SNTG1: variants seen among roughly 807,000 people sequenced by gnomAD.
SNTG1 encodes gamma-1-syntrophin.
SNTG1 carries 39 observed loss-of-function variants against 74.7 expected under a neutral mutation model. That is an observed-to-expected ratio of 0.52 (90% confidence interval 0.40 to 0.68). The LOEUF (loss-of-function observed/expected upper bound fraction) is 0.68, where lower values mean the gene tolerates loss of function less well. Among genes scored for constraint, SNTG1 ranks in the 30% least tolerant of loss-of-function variants. The probability of loss-of-function intolerance (pLI) is 0.00; values close to 1 mark genes in which losing one functional copy is unlikely to be tolerated. For missense variants in SNTG1, 685 were observed against 609.5 expected, an observed-to-expected ratio of 1.12 and a Z score of -1.30; for synonymous variants, 254 against 217.1, an observed-to-expected ratio of 1.17 and a Z score of -1.49.
intron 2 of SNTG1, among the ~76,000 whole-genome samples, chr8:50,252,510 G>C (rs889866046): frequency 2.6e-5 from 4 of 152,122 alleles, no homozygotes; most frequent in Non-Finnish European, 5.9e-5. Context: ...TAAAATCAGA[G>C]ATAAAATTGA....
chr8:50,618,175 A>G (rs1172206741), intron 13 of SNTG1, among the ~76,000 whole-genome samples: 4 of 152,238 alleles, frequency 2.6e-5, no homozygotes, highest in Non-Finnish European at 5.9e-5. Flanking sequence ...TAACTGGAAT[A>G]TAGTCAAAAG....
chr8:50,239,025 G>A (rs1263347060), intron 2 of SNTG1, among the ~76,000 whole-genome samples: 1 of 152,100 alleles, frequency 6.6e-6, no homozygotes, highest in Admixed American at 6.5e-5. Context: ...AAAGGGGAAC[G>A]CTATACACAG....
At chr8:50,135,314 T>G (rs537521721) in intron 1 of SNTG1, among the ~76,000 whole-genome samples, 3 of 152,326 alleles carry the variant, frequency 2.0e-5, no homozygotes, top group Non-Finnish European at 2.9e-5. Flanking sequence ...CATTCCATCA[T>G]GTGGTAATAA....
intron 8 of SNTG1, among the ~76,000 whole-genome samples, 156 bp from the exon 9 acceptor site, chr8:50,502,622 A>G (rs1173890188): frequency 6.6e-6 from 1 of 152,220 alleles, no homozygotes; most frequent in East Asian, 1.9e-4. Context: ...TCTTACTGCA[A>G]TGATAAATAA....
chr8:50,407,109 A>G (rs1205108149), intron 4 of SNTG1, among the ~76,000 whole-genome samples: 2 of 152,236 alleles, frequency 1.3e-5, no homozygotes, highest in Non-Finnish European at 2.9e-5. Flanking sequence ...GCCACAATAC[A>G]TAGTCCATGT....
chr8:50,595,863 G>T (rs1430509550), intron 13 of SNTG1, among the ~76,000 whole-genome samples: 2 of 151,646 alleles, frequency 1.3e-5, no homozygotes, highest in African/African-American at 4.8e-5. Flanking sequence ...TTTGTGTATT[G>T]TGTATTATCC....
chr8:50,377,257 A>G (rs1333274026), intron 2 of SNTG1, among the ~76,000 whole-genome samples: 3 of 152,188 alleles, frequency 2.0e-5, no homozygotes, highest in Non-Finnish European at 4.4e-5. Flanking sequence ...GGAAGAAAAA[A>G]AATGGAATGT....
intron 1 of SNTG1, among the ~76,000 whole-genome samples, chr8:50,139,987 G>C (rs111244348): frequency 1.3e-5 from 2 of 152,318 alleles, no homozygotes; most frequent in African/African-American, 4.8e-5. Context: ...AGCGAGCTTT[G>C]TGTTTCTGTT....
intron 12 of SNTG1, among the ~76,000 whole-genome samples, chr8:50,561,288 C>A (rs1317572161): frequency 6.6e-6 from 1 of 152,146 alleles, no homozygotes; most frequent in Admixed American, 6.6e-5. Flanking sequence ...GAGGCCTCCC[C>A]AGCCATGAGG....
chr8:50,092,051 T>C (rs1374658666), intron 1 of SNTG1, among the ~76,000 whole-genome samples: 1 of 152,148 alleles, frequency 6.6e-6, no homozygotes, highest in Non-Finnish European at 1.5e-5. Flanking sequence ...AAGGAAAATA[T>C]AATGCCTTTA....
chr8:50,538,617 C>CT (rs1231783127), intron 11 of SNTG1, among the ~76,000 whole-genome samples: 1 of 151,412 alleles, frequency 6.6e-6, no homozygotes, highest in South Asian at 2.1e-4. Context: ...CTTTTCTTTT[C>CT]TTTTTTAGTT....
intron 1 of SNTG1, among the ~76,000 whole-genome samples, chr8:50,169,624 C>T (rs1376364543): frequency 1.3e-5 from 2 of 152,162 alleles, no homozygotes; most frequent in Non-Finnish European, 2.9e-5. Flanking sequence ...TATTCTAGTT[C>T]CTTGTTAAGT....
At chr8:50,159,508 T>A (rs2082350800) in intron 1 of SNTG1, among the ~76,000 whole-genome samples, 1 of 152,224 alleles carries the variant, frequency 6.6e-6, no homozygotes, top group South Asian at 2.1e-4. Flanking sequence ...AATTATTAAT[T>A]TGTGTTTTTC....
intron 2 of SNTG1, among the ~76,000 whole-genome samples, chr8:50,334,847 A>G (rs2091089257): frequency 6.6e-6 from 1 of 152,180 alleles, no homozygotes; most frequent in Admixed American, 6.5e-5. Flanking sequence ...CTAACCTCTA[A>G]ATCTTCGAGG....
chr8:50,408,000 T>C lies in SNTG1; in HGVS notation c.162+5656T>C, dbSNP rs149081183. Among the ~76,000 whole-genome samples the C allele has an allele frequency of 7.9e-5, 12 of 152,246 alleles. No individual in the cohort carries two copies. The East Asian group carries it at 1.2e-3, about 15-fold the overall frequency. On this transcript the variant is annotated intron_variant, in intron 4 of 18. Coordinates refer to ENST00000642720, the MANE Select transcript of SNTG1 (RefSeq NM_018967.5). ...CAAAGACCAGGCTGAGGTTTCACAA[T>C]AGCAGTGTTACCTAGAGGGGCAACT...
At chr8:50,184,226 T>C (rs569721885) in intron 2 of SNTG1, among the ~76,000 whole-genome samples, 23 of 152,202 alleles carry the variant, frequency 1.5e-4, no homozygotes, top group African/African-American at 5.3e-4. Context: ...ACTTCAGTGG[T>C]GTGATCTCGG....
chr8:50,378,954 C>T (rs1230999815), intron 2 of SNTG1, among the ~76,000 whole-genome samples: 1 of 152,124 alleles, frequency 6.6e-6, no homozygotes, highest in African/African-American at 2.4e-5. Flanking sequence ...TGTCCCCCAG[C>T]CTTCAGGCCC....
intron 1 of SNTG1, among the ~76,000 whole-genome samples, chr8:49,953,347 G>A (rs901881257): frequency 6.6e-6 from 1 of 152,142 alleles, no homozygotes; most frequent in Non-Finnish European, 1.5e-5. Context: ...CCCTTGGGGG[G>A]AAACAGAGGA....
At chr8:50,527,107 C>A (rs2094227197) in intron 9 of SNTG1, among the ~76,000 whole-genome samples, 1 of 152,086 alleles carries the variant, frequency 6.6e-6, no homozygotes, top group Non-Finnish European at 1.5e-5. Flanking sequence ...ATAATTATCT[C>A]CATATTGTGT....
Sources: allele counts gnomAD v4.1 joint callset (sites outside exome capture counted in the v4.1 genomes callset), GRCh38; gene constraint gnomAD v4.1.1; transcripts MANE v1.5; gene names NCBI Gene and HGNC (gene_info 2026-07-23, HGNC 2026-07-21).